The following C10orf90 variants were observed in gnomAD, a reference collection of about 807,000 sequenced individuals.
C10orf90 encodes the protein (E2-independent) E3 ubiquitin-conjugating enzyme FATS.
Under a neutral mutation model 62.5 loss-of-function variants are expected in C10orf90, and 56 were observed. The ratio of observed to expected loss-of-function variants is 0.90; its 90% CI spans 0.72 to 1.12. C10orf90 has a LOEUF of 1.12. C10orf90 is among the 50% of genes most tolerant of loss of function. The pLI is 0.00. For missense variants in C10orf90, 970 were observed against 880.4 expected, an observed-to-expected ratio of 1.10 and a Z score of -1.29; for synonymous variants, 386 against 340.4, an observed-to-expected ratio of 1.13 and a Z score of -1.47.
At chr10:126,587,329 T>A (rs920586204) in intron 2 of C10orf90, among the ~76,000 whole-genome samples, 17 of 152,218 alleles carry the variant, frequency 1.1e-4, no homozygotes, top group Non-Finnish European at 1.5e-5. Flanking sequence ...CACAAAGTGG[T>A]TGCCTTTACC....
intron 1 of C10orf90, among the ~76,000 whole-genome samples, 168 bp downstream of exon 1, chr10:126,670,073 A>C (rs1181139379): frequency 2.0e-5 from 3 of 152,230 alleles, no homozygotes; most frequent in Admixed American, 2.0e-4. Flanking sequence ...AAAAACTAAA[A>C]TAAATTCAGA....
chr10:126,500,669 T>A (rs757775045), intron 4 of C10orf90, among the ~76,000 whole-genome samples: 1 of 152,156 alleles, frequency 6.6e-6, no homozygotes, highest in Non-Finnish European at 1.5e-5. Context: ...ACTGAGGAGA[T>A]GAGCAAAGAG....
intron 3 of C10orf90, among the ~76,000 whole-genome samples, chr10:126,507,579 T>C (rs1445687234): frequency 6.6e-6 from 1 of 151,562 alleles, no homozygotes; most frequent in Non-Finnish European, 1.5e-5. Flanking sequence ...GCCCAGCGGC[T>C]ACCTCACACT....
At chr10:126,449,774 A>G (rs183055250) in intron 7 of C10orf90, among the ~76,000 whole-genome samples, 30 of 152,230 alleles carry the variant, frequency 2.0e-4, no homozygotes, top group South Asian at 4.1e-4. Context: ...CGAGGCAGGC[A>G]GATCACAAGG....
At chr10:126,647,845 C>T (rs938435301) in intron 1 of C10orf90, among the ~76,000 whole-genome samples, 2 of 152,204 alleles carry the variant, frequency 1.3e-5, no homozygotes, top group African/African-American at 4.8e-5. Context: ...AAAGCTAAGC[C>T]TTCAGTTTGG....
intron 2 of C10orf90, among the ~76,000 whole-genome samples, chr10:126,578,522 G>GTA (rs1844672191): frequency 6.6e-6 from 1 of 152,188 alleles, no homozygotes; most frequent in Non-Finnish European, 1.5e-5. Context: ...AAATTCTCAA[G>GTA]TAGTGCTGCT....
At chr10:126,498,477 C>A (rs371308060) in intron 4 of C10orf90, among the ~76,000 whole-genome samples, 22 of 152,316 alleles carry the variant, frequency 1.4e-4, no homozygotes, top group African/African-American at 4.8e-4. Context: ...TCACCACCAC[C>A]CCCTGCCCCA....
intron 2 of C10orf90, among the ~76,000 whole-genome samples, chr10:126,531,133 C>T (rs967312784): frequency 6.1e-5 from 9 of 148,756 alleles, no homozygotes; most frequent in African/African-American, 2.2e-4. Context: ...GAGATCACAT[C>T]ACTGCACTCC....
At chr10:126,552,950 A>G (rs1864670743) in intron 2 of C10orf90, among the ~76,000 whole-genome samples, 1 of 152,230 alleles carries the variant, frequency 6.6e-6, no homozygotes, top group Non-Finnish European at 1.5e-5. Flanking sequence ...TTTTGGGTCT[A>G]TTAGACATCG....
chr10:126,648,326 A>AG (rs370050245), intron 1 of C10orf90, among the ~76,000 whole-genome samples: 3 of 152,266 alleles, frequency 2.0e-5, no homozygotes, highest in African/African-American at 4.8e-5. Context: ...GGAGGGAGGG[A>AG]GGAAGAAGCA....
intron 2 of C10orf90, among the ~76,000 whole-genome samples, chr10:126,638,085 T>C (rs1413835426): frequency 2.0e-5 from 3 of 152,172 alleles, no homozygotes; most frequent in Admixed American, 2.0e-4. Flanking sequence ...GTGTCGTTGC[T>C]GACATGGAAC....
Position 126,514,777 on chromosome 10 carries a change from G to A in C10orf90, c.314-838C>T, listed in dbSNP as rs147370948. On this transcript the variant is annotated intron_variant, in intron 2 of 9. Transcript: ENST00000488181. ...CTCAGCAGCCACAGCACCGCCCTGC[G>A]CCCCCCTCTCCACCCCCCATCTCTA... Among the ~76,000 whole-genome samples the A allele has an allele frequency of 5.3e-3, 811 of 151,744 alleles. 9 individuals carry two copies. Among genetic ancestry groups the A allele is most frequent in the African/African-American group, 0.018 (755 of 41,354 alleles).
chr10:126,430,098 T>C (rs1472386136), intron 7 of C10orf90, among the ~76,000 whole-genome samples: 2 of 152,238 alleles, frequency 1.3e-5, no homozygotes, highest in Non-Finnish European at 2.9e-5. Flanking sequence ...ACCTACTTTA[T>C]GGAGAGCAAC....
intron 4 of C10orf90, among the ~76,000 whole-genome samples, chr10:126,468,450 C>T (rs1013585339): frequency 6.6e-6 from 1 of 152,136 alleles, no homozygotes; most frequent in African/African-American, 2.4e-5. Context: ...GTTGGCTGGG[C>T]CATAGCTTTC....
intron 7 of C10orf90, among the ~76,000 whole-genome samples, chr10:126,446,666 A>G (rs1303824581): frequency 6.6e-6 from 1 of 152,222 alleles, no homozygotes; most frequent in African/African-American, 2.4e-5. Flanking sequence ...GATACTAATT[A>G]CTAACATCAA....
intron 8 of C10orf90, among the ~76,000 whole-genome samples, chr10:126,427,077 C>T (rs959329326): frequency 7.2e-5 from 11 of 152,200 alleles, no homozygotes; most frequent in Non-Finnish European, 1.5e-4. Flanking sequence ...CTGTTTGACT[C>T]TTTCTAGACA....
At chr10:126,623,250 G>A (rs749188949) in intron 2 of C10orf90, among the ~76,000 whole-genome samples, 31 of 152,106 alleles carry the variant, frequency 2.0e-4, no homozygotes, top group Non-Finnish European at 4.0e-4. Context: ...CCCCCATGAG[G>A]TCATCCCCAC....
intron 1 of C10orf90, among the ~76,000 whole-genome samples, chr10:126,661,013 A>G (rs1846498440): frequency 6.6e-6 from 1 of 152,208 alleles, no homozygotes; most frequent in Non-Finnish European, 1.5e-5. Flanking sequence ...CACAAATGTC[A>G]TTAACTTGGA....
chr10:126,617,625 T>G (rs1845567592), intron 2 of C10orf90, among the ~76,000 whole-genome samples: 1 of 152,250 alleles, frequency 6.6e-6, no homozygotes, highest in Admixed American at 6.5e-5. Flanking sequence ...AAGAGCAGCA[T>G]TCTCCACCAC....
Sources: allele counts gnomAD v4.1 joint callset (sites outside exome capture counted in the v4.1 genomes callset), GRCh38; gene constraint gnomAD v4.1.1; transcripts MANE v1.5; gene names NCBI Gene and HGNC (gene_info 2026-07-23, HGNC 2026-07-21).